The following FNTB variants were observed in gnomAD, a reference collection of about 807,000 sequenced individuals.
The protein encoded by FNTB is farnesyltransferase, CAAX box, subunit beta, also known as protein farnesyltransferase subunit beta.
A neutral mutation model predicts 59.4 loss-of-function variants in FNTB; 27 were observed. The ratio of observed to expected loss-of-function variants is 0.45; its 90% CI spans 0.34 to 0.63. The LOEUF (loss-of-function observed/expected upper bound fraction) is 0.63. FNTB is among the 20% of genes least tolerant of loss of function. The probability of loss-of-function intolerance (pLI) is 0.02; values close to 1 mark genes in which losing one functional copy is unlikely to be tolerated. For missense variants in FNTB, 449 were observed against 559.6 expected, an observed-to-expected ratio of 0.80 and a Z score of 1.99; for synonymous variants, 230 against 220.7, an observed-to-expected ratio of 1.04 and a Z score of -0.37.
At chr14:65,046,217 C>G (rs189363820) in intron 9 of FNTB, among the ~76,000 whole-genome samples, 53 of 152,302 alleles carry the variant, frequency 3.5e-4, no homozygotes, top group East Asian at 3.3e-3. Flanking sequence ...CTCAGGTGAT[C>G]TGTCCGCCTT....
rs1402851363 is a variant in FNTB, at chr14:65,047,114, CCTT to C, written c.955+2675_955+2677del. ...AAAGAGGTCCCAGTGAAAGAACTGT[CCTT>C]CTTACTTTTTCTACTACAACTGCCA... On this transcript the variant is annotated intron_variant, in intron 9 of 11. Coordinates refer to ENST00000246166, the MANE Select transcript of FNTB (RefSeq NM_002028.4). This position sits in a 1 kb window ranked among gnomAD's most constrained non-coding sequence, Gnocchi z 5.2. 5.9e-5 allele frequency among the ~76,000 whole-genome samples: 9 copies of C among 152,230 alleles called. No homozygotes were observed. Among genetic ancestry groups the C allele is most frequent in the East Asian group, 1.9e-4 (1 of 5,204 alleles).
In FNTB at chr14:65,044,587, C is replaced by A; in HGVS notation, c.955+144C>A. On this transcript the variant is annotated intron_variant, in intron 9 of 11. Coordinates refer to ENST00000246166, the MANE Select transcript of FNTB (RefSeq NM_002028.4). The surrounding 1 kb of genome is among the most constrained non-coding windows in gnomAD (Gnocchi z 5.5). Reference sequence around the variant, plus strand: ...TGAGTGCCCAGTGTGGAACCTCATGCCGTGGGGCATGCGAATGCAGAGTAA... The same window carrying A: ...TGAGTGCCCAGTGTGGAACCTCATGACGTGGGGCATGCGAATGCAGAGTAA... The A allele has an allele frequency of 8.2e-7, 1 of 1,224,910 alleles. No homozygotes were observed. Among genetic ancestry groups the A allele is most frequent in the Non-Finnish European group, 1.1e-6 (1 of 913,714 alleles). 75.9% of individuals were successfully genotyped at this position (1,224,910 alleles called of 1,614,324 possible).
rs1383865877 is a variant in FNTB, at chr14:64,986,919, CAG to C, written c.-32_-31del. ...CAATGCGCGTTGTTGCTTAACGAAG[CAG>C]AGTCCTACACACTGTCTGCTGCTCT... On this transcript the variant is annotated 5_prime_UTR_variant, in exon 1 of 12. Coordinates refer to ENST00000246166, the MANE Select transcript of FNTB (RefSeq NM_002028.4). 2.5e-6 allele frequency: 4 copies of C among 1,612,834 alleles called. No individual in the cohort carries two copies. The African/African-American group carries it at 4.0e-5, about 16-fold the overall frequency.
At position 64,997,123 on chromosome 14, in the gene FNTB, A is replaced by G. The variant is rs1026041844; in HGVS notation, c.145-7126A>G. Among the ~76,000 whole-genome samples the G allele has an allele frequency of 9.9e-5, 15 of 152,164 alleles. No individual in the cohort carries two copies. Among genetic ancestry groups the G allele is most frequent in the African/African-American group, 3.6e-4 (15 of 41,430 alleles). On this transcript the variant is annotated intron_variant, in intron 1 of 11. Coordinates refer to ENST00000246166, the MANE Select transcript of FNTB (RefSeq NM_002028.4). The surrounding 1 kb of genome is among the most constrained non-coding windows in gnomAD (Gnocchi z 4.5). Reference sequence around the variant, plus strand: ...TTTGGAAAGACAATCTCCCTTTAGAATTGTGAGAGGGTCCTGAATTCTGCT... The same window carrying G: ...TTTGGAAAGACAATCTCCCTTTAGAGTTGTGAGAGGGTCCTGAATTCTGCT...
intron 8 of FNTB, 65 bp downstream of exon 8, chr14:65,040,984 C>A: frequency 1.3e-6 from 2 of 1,586,470 alleles, no homozygotes; most frequent in South Asian, 1.1e-5. Context: ...TGTACTCAGA[C>A]ATGCAGGCTT....
rs1215690604 is a variant in FNTB at position 65,027,787 on chromosome 14, TG to T, written c.605+10del. ...GGAGGTGAGGTGGATGTGAGGTGAG[TG>T]GGGTTTTGCACAGGCTGCCACATCA... On this transcript the variant is annotated splice_region_variant and intron_variant, in intron 6 of 11. Coordinates refer to ENST00000246166, the MANE Select transcript of FNTB (RefSeq NM_002028.4). The surrounding 1 kb of genome is among the most constrained non-coding windows in gnomAD (Gnocchi z 5.7). The T allele has an allele frequency of 1.9e-6, 3 of 1,613,608 alleles. No individual in the cohort carries two copies. Among genetic ancestry groups the T allele is most frequent in the Middle Eastern group, 1.6e-4 (1 of 6,082 alleles).
chr14:65,006,790 A>C (rs2061601039), intron 2 of FNTB, among the ~76,000 whole-genome samples: 5 of 152,198 alleles, frequency 3.3e-5, no homozygotes, highest in Admixed American at 3.3e-4. Context: ...TCCTTAGCTC[A>C]TGAGCTGAAG....
chr14:65,050,644 A>G (rs1029740538), intron 9 of FNTB, among the ~76,000 whole-genome samples: 29 of 152,310 alleles, frequency 1.9e-4, no homozygotes, highest in African/African-American at 6.7e-4. Flanking sequence ...AAAATTTTAA[A>G]TTTTGCTGGT....
At position 65,060,942 on chromosome 14, in the gene FNTB, G is replaced by GT. The variant is rs527358346; in HGVS notation, c.1183-238dup. Among the ~76,000 whole-genome samples the GT allele has an allele frequency of 2.1e-3, 302 of 143,428 alleles. 1 individual carries two copies. The highest frequency in any genetic ancestry group is 7.6e-3 in the African/African-American group (293 of 38,542). 94.1% of individuals were successfully genotyped at this position (143,428 alleles called of 152,430 possible). ...ATACTGTTTTCTCACATAATATGTTGTAAGTATTTGCCTGTATCGTTAAAT... is the reference window on the plus strand; with the variant it reads ...ATACTGTTTTCTCACATAATATGTTGTTAAGTATTTGCCTGTATCGTTAAAT... On this transcript the variant is annotated intron_variant, in intron 11 of 11. Coordinates refer to ENST00000246166, the MANE Select transcript of FNTB (RefSeq NM_002028.4).
chr14:65,013,114 A>G (rs2061709507), intron 3 of FNTB, among the ~76,000 whole-genome samples: 1 of 152,004 alleles, frequency 6.6e-6, no homozygotes, highest in Non-Finnish European at 1.5e-5. Flanking sequence ...TCTATTTTTA[A>G]TCTGCTTTTT....
chr14:64,999,051 TTA>T (rs1246887420), intron 1 of FNTB, among the ~76,000 whole-genome samples: 1 of 152,216 alleles, frequency 6.6e-6, no homozygotes, highest in Non-Finnish European at 1.5e-5. Context: ...TTTGAAAACA[TTA>T]TGTTTGTGAA....
At chr14:65,002,239 ACCTT>A (rs2061531819) in intron 1 of FNTB, among the ~76,000 whole-genome samples, 2 of 152,236 alleles carry the variant, frequency 1.3e-5, no homozygotes, top group Non-Finnish European at 2.9e-5. Flanking sequence ...TCATTACTAT[ACCTT>A]GTATACAGGA....
At position 65,044,589 on chromosome 14, in the gene FNTB, G is replaced by A. The variant is rs2062433312; in HGVS notation, c.955+146G>A. 7.5e-6 allele frequency: 9 copies of A among 1,193,466 alleles called. No homozygotes were observed. Among genetic ancestry groups the A allele is most frequent in the Admixed American group, 6.7e-5 (2 of 29,662 alleles). The allele number at this position is 1,193,466 out of a possible 1,614,324, so 73.9% of individuals were successfully genotyped here. On this transcript the variant is annotated intron_variant, in intron 9 of 11. Transcript: ENST00000246166. This position sits in a 1 kb window ranked among gnomAD's most constrained non-coding sequence, Gnocchi z 5.5. The stretch of plus-strand genomic sequence containing the variant: ...AGTGCCCAGTGTGGAACCTCATGCC[G>A]TGGGGCATGCGAATGCAGAGTAAGA...
At chr14:64,987,229 C>A in intron 1 of FNTB, 132 bp downstream of exon 1, 1 of 1,126,184 alleles carries the variant, frequency 8.9e-7, no homozygotes, top group Non-Finnish European at 1.3e-6. Context: ...TGCCTTTCCT[C>A]TGGGAAGCTC....
At chr14:65,020,354 C>G (rs2061861254) in intron 4 of FNTB, among the ~76,000 whole-genome samples, 1 of 152,220 alleles carries the variant, frequency 6.6e-6, no homozygotes, top group Admixed American at 6.5e-5. Flanking sequence ...CTCAATTGAT[C>G]CTCCTGCCTT....
At chr14:65,052,894 T>G (rs1390896295) in intron 9 of FNTB, among the ~76,000 whole-genome samples, 1 of 152,166 alleles carries the variant, frequency 6.6e-6, no homozygotes, top group Non-Finnish European at 1.5e-5. Context: ...ATGGACCAAG[T>G]TGGGAGCAGC....
At position 65,054,495 on chromosome 14, in the gene FNTB, G is replaced by A; in HGVS notation, c.1068-80G>A. The A allele has an allele frequency of 1.4e-6, 2 of 1,381,096 alleles. No homozygotes were observed. The highest frequency in any genetic ancestry group is 2.0e-6 in the Non-Finnish European group (2 of 998,592). The allele number at this position is 1,381,096 out of a possible 1,614,324, so 85.6% of individuals were successfully genotyped here. ...GGGGGGGACGTGTGATTGCACCAGT[G>A]GTCTCTGAATTGGTGTGGCTACATT... On this transcript the variant is annotated intron_variant, in intron 10 of 11. Transcript: ENST00000246166. The surrounding 1 kb of genome is among the most constrained non-coding windows in gnomAD (Gnocchi z 4.4).
At chr14:65,046,265 C>T (rs1271773477) in intron 9 of FNTB, among the ~76,000 whole-genome samples, 5 of 152,180 alleles carry the variant, frequency 3.3e-5, no homozygotes, top group Admixed American at 6.5e-5. Flanking sequence ...CGTGAGCCAC[C>T]GTGCCTGGCC....
chr14:65,040,604 C>CTTTTTTT (rs35890649), intron 7 of FNTB, among the ~76,000 whole-genome samples, 186 bp from the exon 8 acceptor site: 1 of 117,322 alleles, frequency 8.5e-6, no homozygotes, highest in South Asian at 2.7e-4. Context: ...CCAGGCCCAG[C>CTTTTTTT]TTTTTTTTTT....
Sources: allele counts gnomAD v4.1 joint callset (sites outside exome capture counted in the v4.1 genomes callset), GRCh38; gene constraint gnomAD v4.1.1; non-coding constraint Gnocchi (gnomAD v3.1); transcripts MANE v1.5; gene names NCBI Gene and HGNC (gene_info 2026-07-23, HGNC 2026-07-21).